The following KLHL2 variants were observed in gnomAD, a reference collection of about 807,000 sequenced individuals.
KLHL2 encodes kelch-like protein 2.
Under a neutral mutation model 75.8 loss-of-function variants are expected in KLHL2, and 15 were observed. The ratio of observed to expected loss-of-function variants is 0.20; its 90% CI spans 0.13 to 0.30. The LOEUF (loss-of-function observed/expected upper bound fraction) is 0.30, where lower values mean the gene tolerates loss of function less well. Among genes scored for constraint, KLHL2 ranks in the 10% least tolerant of loss-of-function variants. KLHL2 has a pLI of 1.00. For synonymous variants in KLHL2, 214 were observed against 251.9 expected (o/e 0.85, Z 1.42); for missense variants, 381 against 741.0 (o/e 0.51, Z 5.64).
At chr4:165,290,379 C>G (rs1253750212) in intron 5 of KLHL2, among the ~76,000 whole-genome samples, 4 of 152,112 alleles carry the variant, frequency 2.6e-5, no homozygotes, top group African/African-American at 9.7e-5. Flanking sequence ...AAGTGACCCA[C>G]CCTCCTCAGC....
chr4:165,252,633 A>G (rs1308889047), intron 4 of KLHL2: 2 of 152,232 alleles, frequency 1.3e-5, no homozygotes, highest in African/African-American at 2.4e-5. Flanking sequence ...AGGCATGATT[A>G]TTGCTAATTG....
intron 4 of KLHL2, among the ~76,000 whole-genome samples, chr4:165,246,527 G>A (rs183250881): frequency 1.3e-5 from 2 of 152,206 alleles, no homozygotes; most frequent in Admixed American, 6.5e-5. Flanking sequence ...CTGGGTTGTT[G>A]GCGTGAGATG....
At chr4:165,209,665 A>G (rs1737067768) in intron 1 of KLHL2, among the ~76,000 whole-genome samples, 1 of 152,240 alleles carries the variant, frequency 6.6e-6, no homozygotes. Context: ...TGCTGGAACA[A>G]TGAGAGGCTG....
intron 5 of KLHL2, among the ~76,000 whole-genome samples, chr4:165,289,770 T>G (rs1042985494): frequency 6.6e-6 from 1 of 152,188 alleles, no homozygotes; most frequent in Non-Finnish European, 1.5e-5. Context: ...CAAGTCCATT[T>G]TTTTCTGGTC....
chr4:165,296,729 T>C (rs1477111346), intron 6 of KLHL2, among the ~76,000 whole-genome samples: 3 of 152,088 alleles, frequency 2.0e-5, no homozygotes, highest in African/African-American at 7.2e-5. Context: ...AAATATTAGA[T>C]AGAATTGCCA....
At chr4:165,263,568 G>A (rs1242786418) in intron 5 of KLHL2, among the ~76,000 whole-genome samples, 1 of 151,516 alleles carries the variant, frequency 6.6e-6, no homozygotes, top group Non-Finnish European at 1.5e-5. Context: ...TTGGGATTGG[G>A]CCTGAATAAT....
chr4:165,294,363 A>C lies in KLHL2; in HGVS notation c.549A>C (p.Gln183His). The C allele has an allele frequency of 6.3e-7, 1 of 1,594,810 alleles. No individual in the cohort carries two copies. The highest frequency in any genetic ancestry group is 8.6e-7 in the Non-Finnish European group (1 of 1,163,058). Residue 183 changes from glutamine (Q) to histidine (H), a missense_variant, in exon 6 of 15, where the codon CAA becomes CAC. Physicochemically the swap from Gln to His is conservative, Grantham distance 24. This residue lies in a region of KLHL2 where 111 missense variants were observed against 150.1 expected (regional missense o/e 0.74). Coordinates refer to ENST00000226725, the MANE Select transcript of KLHL2 (RefSeq NM_007246.4). ...TTCTTTTTAATTCCCAAACAGAGCA[A>C]CATTTTGCAGATGTTGTACTTAGTG... ...LLNKANTYAEQHFADVVLSEE... is the reference protein window; with the variant it reads ...LLNKANTYAEHHFADVVLSEE...
intron 14 of KLHL2, among the ~76,000 whole-genome samples, chr4:165,321,568 GGAGTAAAA>G (rs1464666097): frequency 6.6e-6 from 1 of 152,084 alleles, no homozygotes; most frequent in Admixed American, 6.6e-5. Context: ...AAATTATGCG[GGAGTAAAA>G]AATTATACAT....
At chr4:165,249,240 C>T (rs1394174081) in intron 4 of KLHL2, among the ~76,000 whole-genome samples, 1 of 152,174 alleles carries the variant, frequency 6.6e-6, no homozygotes, top group Non-Finnish European at 1.5e-5. Context: ...TTTGTTAGCT[C>T]CTTCAGAGTT....
At chr4:165,320,666 T>C (rs781071611) in intron 14 of KLHL2, among the ~76,000 whole-genome samples, 7 of 152,212 alleles carry the variant, frequency 4.6e-5, no homozygotes, top group Non-Finnish European at 1.0e-4. Context: ...GATTACACCA[T>C]TGAATATATC....
chr4:165,311,383 A>G (rs866827933), intron 10 of KLHL2, 81 bp from the exon 11 acceptor site: 2 of 952,082 alleles, frequency 2.1e-6, no homozygotes, highest in Non-Finnish European at 1.6e-6. Flanking sequence ...CCAGTATAAC[A>G]TACCTGAAGT....
chr4:165,289,354 T>C (rs1459295826), intron 5 of KLHL2, among the ~76,000 whole-genome samples: 1 of 152,124 alleles, frequency 6.6e-6, no homozygotes, highest in Non-Finnish European at 1.5e-5. Flanking sequence ...ATATCAATAC[T>C]TAAAAATTTT....
intron 3 of KLHL2, among the ~76,000 whole-genome samples, chr4:165,238,570 C>A (rs1181904250): frequency 6.6e-6 from 1 of 152,150 alleles, no homozygotes; most frequent in East Asian, 1.9e-4. Flanking sequence ...TTTTCAGGTG[C>A]AAGTGGGTAA....
intron 5 of KLHL2, among the ~76,000 whole-genome samples, chr4:165,275,901 G>A (rs1743046934): frequency 6.6e-6 from 1 of 152,012 alleles, no homozygotes; most frequent in South Asian, 2.1e-4. Context: ...TGGGCAGATT[G>A]CTTGAGGCCT....
intron 2 of KLHL2, among the ~76,000 whole-genome samples, chr4:165,223,144 C>T (rs1404097958): frequency 6.6e-6 from 1 of 152,234 alleles, no homozygotes; most frequent in Admixed American, 6.5e-5. Context: ...GCTTGAATAT[C>T]TTGAAATTAT....
At chr4:165,242,314 G>A (rs1739879127) in intron 4 of KLHL2, among the ~76,000 whole-genome samples, 2 of 152,084 alleles carry the variant, frequency 1.3e-5, no homozygotes, top group Admixed American at 6.6e-5. Flanking sequence ...TTGACATTTG[G>A]TGGTTATGGA....
chr4:165,207,852 G>C lies in KLHL2; in HGVS notation c.-25G>C, dbSNP rs948101141. On this transcript the variant is annotated 5_prime_UTR_variant, in exon 1 of 15. Transcript: ENST00000226725. The surrounding 1 kb of genome is among the most constrained non-coding windows in gnomAD (Gnocchi z 4.2). ...GCTGGCTGTGTTGGTCGGTGCCTGC[G>C]TTCTGAAGCCCGAGAGGAGCCACAA... 1.2e-5 allele frequency: 18 copies of C among 1,450,444 alleles called. No individual in the cohort carries two copies. Among genetic ancestry groups the C allele is most frequent in the Middle Eastern group, 2.1e-4 (1 of 4,732 alleles). 89.8% of individuals were successfully genotyped at this position (1,450,444 alleles called of 1,614,324 possible). A position where few individuals can be genotyped will look rare whatever the true frequency, so the allele number is the denominator to read the frequency against.
In KLHL2 at chr4:165,303,494, G is replaced by GCCCCC. The variant is rs35038980; in HGVS notation, c.922-2110_922-2106dup. ...CCAATTCTGTAATTTTTACAACCTT[G>GCCCCC]CCCCCCCCGCCGTTTTTGGGTGGTC... On this transcript the variant is annotated intron_variant, in intron 8 of 14. Coordinates refer to ENST00000226725, the MANE Select transcript of KLHL2 (RefSeq NM_007246.4). Among the ~76,000 whole-genome samples the GCCCCC allele has an allele frequency of 2.0e-3, 229 of 113,068 alleles. 4 individuals carry two copies. Among genetic ancestry groups the GCCCCC allele is most frequent in the African/African-American group, 3.4e-3 (120 of 35,372 alleles). The allele number at this position is 113,068 out of a possible 152,430, so 74.2% of individuals were successfully genotyped here.
In KLHL2 at chr4:165,207,568, T is replaced by A. The variant is rs1277039495; in HGVS notation, c.-309T>A. ...CGCGGGAGGCCGCATCGCAGTCCCG[T>A]CACAGCGTCGGCGCCGGCCGGGGCC... is the stretch of plus-strand genomic sequence containing the variant. On this transcript the variant is annotated 5_prime_UTR_variant, in exon 1 of 15. Transcript: ENST00000226725. This position sits in a 1 kb window ranked among gnomAD's most constrained non-coding sequence, Gnocchi z 4.2. 1.3e-5 allele frequency: 2 copies of A among 150,036 alleles called. No homozygotes were observed. Among genetic ancestry groups the A allele is most frequent in the Non-Finnish European group, 3.0e-5 (2 of 66,980 alleles). 9.3% of individuals were successfully genotyped at this position (150,036 alleles called of 1,614,324 possible). A position where few individuals can be genotyped will look rare whatever the true frequency, so the allele number is the denominator to read the frequency against.
Sources: allele counts gnomAD v4.1 joint callset (sites outside exome capture counted in the v4.1 genomes callset), GRCh38; gene constraint gnomAD v4.1.1; regional missense constraint gnomAD v4.1.1; non-coding constraint Gnocchi (gnomAD v3.1); transcripts MANE v1.5; gene names NCBI Gene and HGNC (gene_info 2026-07-23, HGNC 2026-07-21).